SRBD1: variants seen among roughly 807,000 people sequenced by gnomAD.
SRBD1 encodes the protein S1 RNA-binding domain-containing protein 1.
In SRBD1, 88 loss-of-function variants were observed where a neutral mutation model predicts 115.3. The ratio of observed to expected loss-of-function variants is 0.76; its 90% CI spans 0.64 to 0.91. The LOEUF is 0.91. Ranked by LOEUF, SRBD1 falls within the 40% of genes least tolerant of loss-of-function variation. SRBD1 has a pLI of 0.00. For missense variants in SRBD1, 1,385 were observed against 1,177.4 expected, an observed-to-expected ratio of 1.18 and a Z score of -2.58; for synonymous variants, 509 against 407.7, an observed-to-expected ratio of 1.25 and a Z score of -2.99.
intron 4 of SRBD1, among the ~76,000 whole-genome samples, chr2:45,592,203 T>G (rs925243913): frequency 1.3e-4 from 20 of 152,276 alleles, no homozygotes; most frequent in African/African-American, 4.6e-4. Context: ...GTAAGTCCAA[T>G]TAAACCACTT....
intron 3 of SRBD1, among the ~76,000 whole-genome samples, chr2:45,600,403 A>C: frequency 6.6e-6 from 1 of 152,224 alleles, no homozygotes; most frequent in Non-Finnish European, 1.5e-5. Flanking sequence ...ATTTTTAAAA[A>C]TGAGTAAAGG....
chr2:45,482,001 G>C (rs1055535649), intron 15 of SRBD1, among the ~76,000 whole-genome samples: 1 of 152,084 alleles, frequency 6.6e-6, no homozygotes. Context: ...ATGGGCATGG[G>C]TTTCTTTTTA....
chr2:45,466,229 A>C (rs1669484484), intron 16 of SRBD1, among the ~76,000 whole-genome samples: 1 of 152,062 alleles, frequency 6.6e-6, no homozygotes, highest in Non-Finnish European at 1.5e-5. Flanking sequence ...AATGTAGGGG[A>C]ACAACTCCTC....
At chr2:45,546,907 T>C in intron 13 of SRBD1, 68 bp from the exon 14 acceptor site, 1 of 1,413,678 alleles carries the variant, frequency 7.1e-7, no homozygotes, top group Non-Finnish European at 1.0e-6. Context: ...GGAGAAAATG[T>C]ACAGAATGCA....
chr2:45,505,560 C>G (rs140426125), intron 14 of SRBD1, among the ~76,000 whole-genome samples: 6 of 152,268 alleles, frequency 3.9e-5, no homozygotes, highest in African/African-American at 1.4e-4. Context: ...AGAAAATGGC[C>G]ACCAAATTCT....
chr2:45,441,072 G>A (rs1478508860), intron 16 of SRBD1, among the ~76,000 whole-genome samples: 2 of 152,150 alleles, frequency 1.3e-5, no homozygotes, highest in East Asian at 1.9e-4. Flanking sequence ...CACACATGTA[G>A]TCAGATGTGA....
chr2:45,586,432 T>C (rs562370247), intron 4 of SRBD1, among the ~76,000 whole-genome samples: 1 of 152,204 alleles, frequency 6.6e-6, no homozygotes, highest in South Asian at 2.1e-4. Flanking sequence ...TCACAAGATC[T>C]GGAAATAAAA....
intron 14 of SRBD1, among the ~76,000 whole-genome samples, chr2:45,495,910 T>TGTCA (rs1170022151): frequency 6.6e-6 from 1 of 152,228 alleles, no homozygotes; most frequent in East Asian, 1.9e-4. Context: ...AAACATGGTA[T>TGTCA]GTCAACCCAC....
intron 4 of SRBD1, among the ~76,000 whole-genome samples, chr2:45,586,998 TTTAA>T (rs1322885173): frequency 8.7e-5 from 5 of 57,186 alleles, no homozygotes; most frequent in Admixed American, 3.3e-4. Flanking sequence ...ATTTTAAATA[TTTAA>T]TTATTTTAAA....
intron 1 of SRBD1, among the ~76,000 whole-genome samples, chr2:45,608,151 T>C (rs187601007): frequency 6.6e-6 from 1 of 152,352 alleles, no homozygotes; most frequent in Non-Finnish European, 1.5e-5. Flanking sequence ...TTGGCAGGCT[T>C]ATGTTTTTGC....
intron 10 of SRBD1, among the ~76,000 whole-genome samples, chr2:45,557,741 C>G (rs1055689632): frequency 2.0e-5 from 3 of 152,106 alleles, no homozygotes; most frequent in African/African-American, 7.2e-5. Flanking sequence ...ATTCACAAAC[C>G]CTGTTGCTTA....
At chr2:45,591,392 C>G (rs927034556) in intron 4 of SRBD1, among the ~76,000 whole-genome samples, 2 of 152,186 alleles carry the variant, frequency 1.3e-5, no homozygotes, top group Non-Finnish European at 2.9e-5. Flanking sequence ...CTTAAAAACT[C>G]CAATTCCCGA....
At chr2:45,571,890 G>A (rs1673030970) in intron 9 of SRBD1, among the ~76,000 whole-genome samples, 1 of 152,042 alleles carries the variant, frequency 6.6e-6, no homozygotes, top group Non-Finnish European at 1.5e-5. Flanking sequence ...TGAGACCTGT[G>A]AGACACTATC....
chr2:45,562,284 G>C (rs2104102469), intron 10 of SRBD1, among the ~76,000 whole-genome samples: 1 of 152,314 alleles, frequency 6.6e-6, no homozygotes, highest in Admixed American at 6.5e-5. Flanking sequence ...CTGGAGTGCA[G>C]TGGTGTGATC....
At chr2:45,430,472 C>A (rs185496839) in intron 16 of SRBD1, among the ~76,000 whole-genome samples, 1 of 152,132 alleles carries the variant, frequency 6.6e-6, no homozygotes, top group East Asian at 1.9e-4. Context: ...CAAAAAAGAA[C>A]CCTCAGCAAT....
At chr2:45,395,339 A>G (rs542413468) in intron 19 of SRBD1, among the ~76,000 whole-genome samples, 1 of 152,324 alleles carries the variant, frequency 6.6e-6, no homozygotes, top group Admixed American at 6.5e-5. Context: ...GTATGAGTCT[A>G]TCTTAAGGTT....
At chr2:45,528,904 G>A (rs1259219718) in intron 14 of SRBD1, among the ~76,000 whole-genome samples, 1 of 151,912 alleles carries the variant, frequency 6.6e-6, no homozygotes, top group East Asian at 1.9e-4. Flanking sequence ...AGAAGAGGCT[G>A]CTGGGTTAAA....
Position 45,418,428 on chromosome 2 carries a change from T to A in SRBD1, c.2270A>T (p.Lys757Ile), listed in dbSNP as rs371680774. 4 of 1,614,066 alleles carry A rather than the reference T, an allele frequency of 2.5e-6. No individual in the cohort carries two copies. The highest frequency in any genetic ancestry group is 3.4e-6 in the Non-Finnish European group (4 of 1,179,974). ...GAAGCCAGCACACTGTTGGAAGGAT[T>A]TTGGGCCCAGCCCTTTCACTTTCTT... The part of the protein sequence containing the change: ...QLKKVKGLGP[K>I]SFQQCAGFIR... Residue 757 changes from lysine (K) to isoleucine (I), a missense_variant, in exon 18 of 21, where the codon AAA (lysine) becomes ATA (isoleucine). By Grantham distance (102) the Lys-to-Ile change is moderately radical (BLOSUM62 -3). Transcript: ENST00000263736.
chr2:45,499,461 T>C (rs35268716), intron 14 of SRBD1, among the ~76,000 whole-genome samples: 21,535 of 152,208 alleles, frequency 0.14, 1,607 homozygotes, highest in Middle Eastern at 0.19. Context: ...TTCTTCACTT[T>C]GTTGACTGTT....
Sources: allele counts gnomAD v4.1 joint callset (sites outside exome capture counted in the v4.1 genomes callset), GRCh38; gene constraint gnomAD v4.1.1; transcripts MANE v1.5; gene names NCBI Gene and HGNC (gene_info 2026-07-23, HGNC 2026-07-21).